ZNF462: variants seen among roughly 807,000 people sequenced by gnomAD.
The protein encoded by ZNF462 is zinc finger protein 462, also known as zinc finger PBX1-interacting protein.
ZNF462 carries 10 observed loss-of-function variants against 201.9 expected under a neutral mutation model. The ratio of observed to expected loss-of-function variants is 0.05; its 90% CI spans 0.03 to 0.08. The LOEUF is 0.08. Ranked by LOEUF, ZNF462 falls within the 10% of genes least tolerant of loss-of-function variation. ZNF462 has a pLI of 1.00. For synonymous variants in ZNF462, 1,227 were observed against 1,193.3 expected (o/e 1.03, Z -0.58); for missense variants, 2,523 against 3,168.3 (o/e 0.80, Z 4.89).
intron 10 of ZNF462, among the ~76,000 whole-genome samples, chr9:106,991,505 C>A (rs1221217527): frequency 6.6e-6 from 1 of 151,690 alleles, no homozygotes; most frequent in Non-Finnish European, 1.5e-5. Context: ...TATCAAAATC[C>A]CAGTAGGCTT....
Position 106,935,770 on chromosome 9 carries a change from A to G in ZNF462, c.6235+149A>G. Reference sequence around the variant, plus strand: ...ATATTCAGTTTTATTTTTACCTAGTAAAGAAAAAATAAAGAAAAAAGTAAA... The same window carrying G: ...ATATTCAGTTTTATTTTTACCTAGTGAAGAAAAAATAAAGAAAAAAGTAAA... On this transcript the variant is annotated intron_variant, in intron 6 of 12. Coordinates refer to ENST00000277225, the MANE Select transcript of ZNF462 (RefSeq NM_021224.6). This position sits in a 1 kb window ranked among gnomAD's most constrained non-coding sequence, Gnocchi z 4.1. 1 of 580,994 alleles carries G rather than the reference A, an allele frequency of 1.7e-6. No homozygotes were observed. The highest frequency in any genetic ancestry group is 2.8e-6 in the Non-Finnish European group (1 of 358,726). The allele number at this position is 580,994 out of a possible 1,614,324, so 36.0% of individuals were successfully genotyped here.
Position 106,917,219 on chromosome 9 carries a change from C to T in ZNF462, c.-30-6135C>T, listed in dbSNP as rs1437985144. ...CATTTTTAGCCACTTGGATTACATC[C>T]CTAGATGCTCATTTCATTTTAATGA... On this transcript the variant is annotated intron_variant, in intron 1 of 12. Transcript: ENST00000277225. The surrounding 1 kb of genome is among the most constrained non-coding windows in gnomAD (Gnocchi z 4.5). 1.3e-5 allele frequency among the ~76,000 whole-genome samples: 2 copies of T among 152,204 alleles called. No homozygotes were observed. Among genetic ancestry groups the T allele is most frequent in the Non-Finnish European group, 2.9e-5 (2 of 68,040 alleles).
rs1830561067 is a variant in ZNF462 at position 106,934,770 on chromosome 9, A to G, written c.6117-733A>G. On this transcript the variant is annotated intron_variant, in intron 5 of 12. Transcript: ENST00000277225. ...GAACTTCCCACACCTTGTTTGGTAGATTTATTATTTTTTTAGGCTAATAAT... is the reference window on the plus strand; with the variant it reads ...GAACTTCCCACACCTTGTTTGGTAGGTTTATTATTTTTTTAGGCTAATAAT... Among the ~76,000 whole-genome samples the G allele has an allele frequency of 2.0e-5, 3 of 152,164 alleles. No individual in the cohort carries two copies. The South Asian group carries it at 6.2e-4, about 31-fold the overall frequency.
Position 106,939,162 on chromosome 9 carries a change from A to G in ZNF462, c.6427+55A>G, listed in dbSNP as rs144931602. Reference sequence around the variant, plus strand: ...CCACTCAGGGTTGAGGTGGGCTGGGATTCATTGCCAATCATTTTTTTTAGA... The same window carrying G: ...CCACTCAGGGTTGAGGTGGGCTGGGGTTCATTGCCAATCATTTTTTTTAGA... On this transcript the variant is annotated intron_variant, in intron 7 of 12. Coordinates refer to ENST00000277225, the MANE Select transcript of ZNF462 (RefSeq NM_021224.6). 1.4e-4 allele frequency: 204 copies of G among 1,423,086 alleles called. 1 individual carries two copies. The East Asian group carries it at 4.8e-3, about 33-fold the overall frequency. The allele number at this position is 1,423,086 out of a possible 1,614,324, so 88.2% of individuals were successfully genotyped here.
Position 106,950,968 on chromosome 9 carries a change from T to C in ZNF462, c.6427+11861T>C, listed in dbSNP as rs1831318232. Among the ~76,000 whole-genome samples, 2 of 151,854 alleles carry C rather than the reference T, an allele frequency of 1.3e-5. No homozygotes were observed. The highest frequency in any genetic ancestry group is 1.3e-4 in the Admixed American group (2 of 15,252). On this transcript the variant is annotated intron_variant, in intron 7 of 12. Coordinates refer to ENST00000277225, the MANE Select transcript of ZNF462 (RefSeq NM_021224.6). The surrounding 1 kb of genome is among the most constrained non-coding windows in gnomAD (Gnocchi z 4.1). Reference sequence around the variant, plus strand: ...AGCCAGGCTTGGTGGCGAGCGCCTGTAATTCCAGCCACTCCGGAGGCTGAG... The same window carrying C: ...AGCCAGGCTTGGTGGCGAGCGCCTGCAATTCCAGCCACTCCGGAGGCTGAG...
At chr9:106,866,954 G>A (rs1230984298) in intron 1 of ZNF462, among the ~76,000 whole-genome samples, 4 of 152,056 alleles carry the variant, frequency 2.6e-5, no homozygotes, top group Admixed American at 2.6e-4. Context: ...TGGTTCATTT[G>A]CTCATTTCAG....
intron 7 of ZNF462, among the ~76,000 whole-genome samples, chr9:106,941,103 C>T (rs1564120480): frequency 2.0e-5 from 3 of 152,068 alleles, no homozygotes; most frequent in Non-Finnish European, 2.9e-5. Context: ...AAAGGTGGGT[C>T]TCAGTCAGAG....
chr9:106,915,204 T>C (rs940353060), intron 1 of ZNF462, among the ~76,000 whole-genome samples: 1 of 151,828 alleles, frequency 6.6e-6, no homozygotes, highest in African/African-American at 2.4e-5. Flanking sequence ...TCTGTATGTT[T>C]TTTTTTTTTC....
chr9:106,964,453 C>T (rs1166393855), intron 7 of ZNF462, among the ~76,000 whole-genome samples: 1 of 152,012 alleles, frequency 6.6e-6, no homozygotes, highest in East Asian at 1.9e-4. Context: ...AGGGTAAAGC[C>T]TATGTATTTG....
At chr9:106,941,204 T>C (rs762431004) in intron 7 of ZNF462, among the ~76,000 whole-genome samples, 15 of 152,254 alleles carry the variant, frequency 9.9e-5, no homozygotes, top group Non-Finnish European at 1.5e-4. Context: ...CTCTTGAGCC[T>C]GTACTCTCTT....
chr9:106,979,793 T>C (rs546008693), intron 9 of ZNF462, among the ~76,000 whole-genome samples: 29 of 152,340 alleles, frequency 1.9e-4, no homozygotes, highest in Admixed American at 4.6e-4. Context: ...ATAGTGAGCC[T>C]TAAAAACTGG....
chr9:106,956,128 C>T (rs946000011), intron 7 of ZNF462, among the ~76,000 whole-genome samples: 4 of 152,080 alleles, frequency 2.6e-5, no homozygotes, highest in East Asian at 1.9e-4. Context: ...AAGAATTCAT[C>T]GGAAGAATCA....
chr9:107,001,228 CT>C (rs1340792735), intron 10 of ZNF462, among the ~76,000 whole-genome samples: 1 of 152,120 alleles, frequency 6.6e-6, no homozygotes, highest in African/African-American at 2.4e-5. Flanking sequence ...TCCTGAAAAA[CT>C]AGCAAGCCAG....
At chr9:106,948,918 G>A (rs923664438) in intron 7 of ZNF462, among the ~76,000 whole-genome samples, 4 of 151,944 alleles carry the variant, frequency 2.6e-5, no homozygotes, top group African/African-American at 9.7e-5. Context: ...AGGCCTTTGA[G>A]ATTTTGCCAA....
At chr9:106,901,696 A>C (rs1331385612) in intron 1 of ZNF462, among the ~76,000 whole-genome samples, 1 of 151,988 alleles carries the variant, frequency 6.6e-6, no homozygotes, top group East Asian at 1.9e-4. Flanking sequence ...AAAGGGGTTG[A>C]GTTCTTGATT....
chr9:106,964,094 C>T (rs891344265), intron 7 of ZNF462, among the ~76,000 whole-genome samples: 4 of 151,676 alleles, frequency 2.6e-5, no homozygotes, highest in Non-Finnish European at 4.4e-5. Context: ...TAGGTTGCTT[C>T]TACCTCCTGG....
At chr9:106,896,460 G>T (rs575165453) in intron 1 of ZNF462, among the ~76,000 whole-genome samples, 1 of 152,134 alleles carries the variant, frequency 6.6e-6, no homozygotes, top group Admixed American at 6.5e-5. Context: ...ACCTCATGGC[G>T]TCTCAGATTT....
Position 106,939,078 on chromosome 9 carries a change from C to A in ZNF462, c.6398C>A (p.Thr2133Asn), listed in dbSNP as rs28692917. Residue 2133 changes from threonine to asparagine, a missense_variant, in exon 7 of 13, where the codon ACC becomes AAC. Physicochemically the swap from Thr to Asn is moderately conservative, Grantham distance 65 (BLOSUM62 0). Coordinates refer to ENST00000277225, the MANE Select transcript of ZNF462 (RefSeq NM_021224.6). Reference sequence around the variant, plus strand: ...TCCCACCACTCCTCCCAAAAAGCTACCCCGGCTGAAGAAGTGGAAGACTCC... The same window carrying A: ...TCCCACCACTCCTCCCAAAAAGCTAACCCGGCTGAAGAAGTGGAAGACTCC... The part of the protein sequence containing the change: ...SHSHHSSQKA[T>N]PAEEVEDSND... 22 of 1,610,042 alleles carry A rather than the reference C, an allele frequency of 1.4e-5. 1 individual carries two copies. The highest frequency in any genetic ancestry group is 3.3e-4 in the Middle Eastern group (2 of 6,058).
chr9:106,957,412 G>A lies in ZNF462; in HGVS notation c.6428-14593G>A, dbSNP rs368177316. The stretch of plus-strand genomic sequence containing the variant: ...TTAACATCAAAGATCACACATCACC[G>A]TAACAGAAATTATAATAACATTTGA... On this transcript the variant is annotated intron_variant, in intron 7 of 12. Transcript: ENST00000277225. Among the ~76,000 whole-genome samples, 162 of 152,166 alleles carry A rather than the reference G, an allele frequency of 1.1e-3. 1 individual carries two copies. The highest frequency in any genetic ancestry group is 0.01 in the Middle Eastern group (3 of 294).
Sources: allele counts gnomAD v4.1 joint callset (sites outside exome capture counted in the v4.1 genomes callset), GRCh38; gene constraint gnomAD v4.1.1; non-coding constraint Gnocchi (gnomAD v3.1); transcripts MANE v1.5; gene names NCBI Gene and HGNC (gene_info 2026-07-23, HGNC 2026-07-21).